Variants in AKR1C3 observed in about 807,000 individuals in gnomAD.
AKR1C3 encodes 3-alpha hydroxysteroid dehydrogenase, type II.
AKR1C3 carries 48 observed loss-of-function variants against 43.6 expected under a neutral mutation model. The ratio of observed to expected loss-of-function variants is 1.10; its 90% CI spans 0.87 to 1.40. AKR1C3 has a LOEUF of 1.40. Ranked by LOEUF, AKR1C3 falls within the 40% of genes most tolerant of loss-of-function variation. AKR1C3 has a pLI of 0.00. For synonymous variants in AKR1C3, 162 were observed against 139.6 expected (o/e 1.16, Z -1.13); for missense variants, 482 against 391.2 (o/e 1.23, Z -1.96).
intron 1 of AKR1C3, among the ~76,000 whole-genome samples, chr10:5,071,942 A>G (rs187088814): frequency 6.6e-6 from 1 of 152,166 alleles, no homozygotes; most frequent in African/African-American, 2.4e-5. Flanking sequence ...AGTTCAGTTC[A>G]GTTCACGCTG....
chr10:5,073,509 C>T (rs532112373), intron 1 of AKR1C3, among the ~76,000 whole-genome samples: 1 of 152,232 alleles, frequency 6.6e-6, no homozygotes, highest in East Asian at 1.9e-4. Flanking sequence ...TGGGACAGCC[C>T]AATTACATCC....
At chr10:5,052,811 A>T (rs1031956691) in intron 1 of AKR1C3, among the ~76,000 whole-genome samples, 1 of 152,128 alleles carries the variant, frequency 6.6e-6, no homozygotes, top group African/African-American at 2.4e-5. Context: ...CGATTGGTGC[A>T]TTCACAAACC....
chr10:5,106,300 C>T (rs921907905), intron 8 of AKR1C3, among the ~76,000 whole-genome samples: 1 of 152,132 alleles, frequency 6.6e-6, no homozygotes, highest in Non-Finnish European at 1.5e-5. Flanking sequence ...GCTCTCAAGG[C>T]AGAGAATTTA....
chr10:5,101,354 A>G (rs11252939), intron 5 of AKR1C3, among the ~76,000 whole-genome samples: 38,059 of 150,984 alleles, frequency 0.25, 5,394 homozygotes, highest in East Asian at 0.63. Context: ...TGGAGTTTTT[A>G]GATAATCATT....
At position 5,063,141 on chromosome 10, in the gene AKR1C3, A is replaced by G. The variant is rs141253901; in HGVS notation, c.84+14246A>G. Among the ~76,000 whole-genome samples the G allele has an allele frequency of 1.5e-3, 227 of 152,222 alleles. 5 individuals are homozygous for G. The East Asian group carries it at 0.036, about 24-fold the overall frequency. On this transcript the variant is annotated intron_variant, in intron 1 of 8. Transcript: ENST00000439082. ...TTTTGAAATTTTGGAATTGTACTCTATTTTTCTTGAAGATTTAAAATATGA... is the reference window on the plus strand; with the variant it reads ...TTTTGAAATTTTGGAATTGTACTCTGTTTTTCTTGAAGATTTAAAATATGA...
chr10:5,082,830 T>C (rs1554782529), intron 1 of AKR1C3, among the ~76,000 whole-genome samples: 1 of 151,956 alleles, frequency 6.6e-6, no homozygotes, highest in Non-Finnish European at 1.5e-5. Context: ...GGGAGGAATG[T>C]CTCCACATTT....
chr10:5,063,275 T>G (rs1838419707), intron 1 of AKR1C3, among the ~76,000 whole-genome samples: 1 of 152,186 alleles, frequency 6.6e-6, no homozygotes, highest in East Asian at 1.9e-4. Flanking sequence ...AAGGGAGAGT[T>G]TTTATATAAA....
At chr10:5,077,986 C>T (rs1385250922) in intron 1 of AKR1C3, 2 of 684,936 alleles carry the variant, frequency 2.9e-6, no homozygotes, top group Non-Finnish European at 5.3e-6. Context: ...AGGTAAGAAT[C>T]CTACATTTTC....
Position 5,077,983 on chromosome 10 carries a change from A to C in AKR1C3, c.85-18427A>C, listed in dbSNP as rs537360680. 354 of 686,414 alleles carry C rather than the reference A, an allele frequency of 5.2e-4. 4 individuals are homozygous for C. In the African/African-American group the frequency reaches 5.9e-3, roughly 11 times the overall value. 42.5% of individuals were successfully genotyped at this position (686,414 alleles called of 1,614,324 possible). A position where few individuals can be genotyped will look rare whatever the true frequency, so the allele number is the denominator to read the frequency against. On this transcript the variant is annotated intron_variant, in intron 1 of 8. Coordinates refer to the AKR1C3 transcript ENST00000439082. ...GAAGGATGCAAATATCACAGGTAAG[A>C]ATCCTACATTTTCTAAGATGTGACA...
At position 5,097,452 on chromosome 10, in the gene AKR1C3, C is replaced by G. The variant is rs118150330; in HGVS notation, c.271C>G (p.Arg91Gly). Residue 91 changes from arginine (R) to glycine (G), a missense_variant, in exon 3 of 9, where the codon CGA becomes GGA. Coordinates refer to ENST00000380554, the MANE Select transcript of AKR1C3 (RefSeq NM_003739.6). ...YTSKLWSTFH[R>G]PELVRPALEN... is the part of the protein sequence containing the mutation. ...TCTGCAGCTTTGGTCCACTTTTCAT[C>G]GACCAGAGTTGGTCCGACCAGCCTT... 2.5e-6 allele frequency: 4 copies of G among 1,613,554 alleles called. No homozygotes were observed. The highest frequency in any genetic ancestry group is 3.4e-6 in the Non-Finnish European group (4 of 1,179,732).
intron 1 of AKR1C3, among the ~76,000 whole-genome samples, chr10:5,063,911 A>G (rs1838439103): frequency 6.6e-6 from 1 of 152,112 alleles, no homozygotes; most frequent in South Asian, 2.1e-4. Context: ...ACATGAAAGC[A>G]TGAAGAGAAA....
At chr10:5,069,322 G>A (rs1370797154) in intron 1 of AKR1C3, among the ~76,000 whole-genome samples, 1 of 152,134 alleles carries the variant, frequency 6.6e-6, no homozygotes, top group African/African-American at 2.4e-5. Context: ...TTCACAAATA[G>A]TTTACAAATT....
upstream of AKR1C3, chr10:5,094,168 A>C (rs2518047): frequency 0.86 from 181,031 of 210,280 alleles, 78,371 homozygotes; most frequent in African/African-American, 0.96. Flanking sequence ...ATAGAGATTT[A>C]GAATAGAAAA....
Position 5,099,611 on chromosome 10 carries a change from C to T in AKR1C3, c.570+162C>T, listed in dbSNP as rs982668072. On this transcript the variant is annotated intron_variant, in intron 5 of 8. Transcript: ENST00000380554. ...AAGGCGTGAAGATTTCTTGTTTGTA[C>T]CCTGCTTGGAAAAGTATTAGGGAAA... is the stretch of plus-strand genomic sequence containing the variant. The T allele has an allele frequency of 2.0e-5, 26 of 1,304,302 alleles. No homozygotes were observed. In the African/African-American group the frequency reaches 3.7e-4, roughly 19 times the overall value. 80.8% of individuals were successfully genotyped at this position (1,304,302 alleles called of 1,614,324 possible). A position where few individuals can be genotyped will look rare whatever the true frequency, so the allele number is the denominator to read the frequency against.
chr10:5,094,235 C>G, upstream of AKR1C3: 2 of 353,310 alleles, frequency 5.7e-6, no homozygotes, highest in South Asian at 5.8e-5. Flanking sequence ...TAATAATTTA[C>G]TTAGGAATTC....
chr10:5,081,209 T>C (rs1470074516), intron 1 of AKR1C3, among the ~76,000 whole-genome samples: 2 of 152,206 alleles, frequency 1.3e-5, no homozygotes, highest in African/African-American at 4.8e-5. Flanking sequence ...CTATAAGCTA[T>C]AAGCAGCTAT....
At chr10:5,082,067 T>C (rs956394687) in intron 1 of AKR1C3, among the ~76,000 whole-genome samples, 1 of 152,154 alleles carries the variant, frequency 6.6e-6, no homozygotes, top group Non-Finnish European at 1.5e-5. Flanking sequence ...TTCTAGCAAT[T>C]CTCTGGATGA....
intron 1 of AKR1C3, among the ~76,000 whole-genome samples, chr10:5,072,042 G>A (rs781796059): frequency 2.6e-5 from 4 of 152,160 alleles, no homozygotes; most frequent in Admixed American, 6.5e-5. Flanking sequence ...TTTGACTTTA[G>A]CAATAGCAGA....
intron 1 of AKR1C3, among the ~76,000 whole-genome samples, chr10:5,072,057 G>A (rs189483241): frequency 6.6e-6 from 1 of 151,944 alleles, no homozygotes; most frequent in East Asian, 1.9e-4. Flanking sequence ...AGCAGAATTT[G>A]TTTTTTTTCT....
Sources: gnomAD v4.1 joint callset for allele counts (sites outside exome capture counted in the v4.1 genomes callset) on GRCh38, gnomAD v4.1.1 for gene constraint, MANE v1.5 for transcripts, NCBI Gene and HGNC (gene_info 2026-07-23, HGNC 2026-07-21) for gene names.